The following CDK14 variants were observed in gnomAD, a reference collection of about 807,000 sequenced individuals.
The protein encoded by CDK14 is cyclin dependent kinase 14, also known as cyclin-dependent kinase 14.
In CDK14, 34 loss-of-function variants were observed where a neutral mutation model predicts 60.7. The observed-to-expected ratio is 0.56, with a 90% confidence interval of 0.43 to 0.75. The LOEUF is 0.75. Among genes scored for constraint, CDK14 ranks in the 30% least tolerant of loss-of-function variants. The probability of loss-of-function intolerance (pLI) is 0.00; values close to 1 mark genes in which losing one functional copy is unlikely to be tolerated. For synonymous variants in CDK14, 197 were observed against 203.7 expected (o/e 0.97, Z 0.28); for missense variants, 482 against 564.1 (o/e 0.85, Z 1.47).
chr7:90,925,147 A>T (rs1793378503), intron 8 of CDK14, among the ~76,000 whole-genome samples: 1 of 152,240 alleles, frequency 6.6e-6, no homozygotes, highest in Non-Finnish European at 1.5e-5. Flanking sequence ...AACTTTAAAA[A>T]TGGAACATCT....
Position 90,767,159 on chromosome 7 carries a change from A to G in CDK14, c.464+19384A>G, listed in dbSNP as rs1435272556. 2.0e-5 allele frequency among the ~76,000 whole-genome samples: 3 copies of G among 152,250 alleles called. No homozygotes were observed. In the East Asian group the frequency reaches 5.8e-4, roughly 29 times the overall value. On this transcript the variant is annotated intron_variant, in intron 4 of 14. Coordinates refer to ENST00000380050, the MANE Select transcript of CDK14 (RefSeq NM_001287135.2). ...GGCAATTATACCTTTAACAGACAATAAATAATGGCTTACAGCCAAGTATGA... is the reference window on the plus strand; with the variant it reads ...GGCAATTATACCTTTAACAGACAATGAATAATGGCTTACAGCCAAGTATGA...
intron 2 of CDK14, among the ~76,000 whole-genome samples, chr7:90,644,633 C>G (rs1800420194): frequency 6.6e-6 from 1 of 152,202 alleles, no homozygotes; most frequent in Admixed American, 6.5e-5. Context: ...ATTCAAGACT[C>G]TGTGAAATCC....
chr7:91,166,629 G>A lies in CDK14; in HGVS notation c.*29-40536G>A, dbSNP rs533830168. On this transcript the variant is annotated intron_variant, in intron 14 of 14. Coordinates refer to ENST00000380050, the MANE Select transcript of CDK14 (RefSeq NM_001287135.2). The stretch of plus-strand genomic sequence containing the variant: ...GCTTTTCATAAGATACTGATAGAGT[G>A]TAGAGGCATCCGAGTAATTTGGCAT... Among the ~76,000 whole-genome samples, 4 of 152,330 alleles carry A rather than the reference G, an allele frequency of 2.6e-5. No individual in the cohort carries two copies. The East Asian group carries it at 7.7e-4, about 29-fold the overall frequency.
chr7:90,691,921 A>G (rs1340777953), intron 2 of CDK14, among the ~76,000 whole-genome samples: 1 of 152,130 alleles, frequency 6.6e-6, no homozygotes, highest in African/African-American at 2.4e-5. Context: ...GAGGTTTGGG[A>G]GTGCTGTGAA....
chr7:90,855,290 G>A (rs1051598740), intron 5 of CDK14, among the ~76,000 whole-genome samples: 11 of 152,168 alleles, frequency 7.2e-5, no homozygotes, highest in African/African-American at 2.7e-4. Flanking sequence ...ATCCAAGTGA[G>A]GAGGGATTAG....
At chr7:90,619,921 A>T (rs1799732546) in intron 2 of CDK14, among the ~76,000 whole-genome samples, 1 of 152,142 alleles carries the variant, frequency 6.6e-6, no homozygotes, top group South Asian at 2.1e-4. Context: ...GCTTGAACCC[A>T]GGAGGCAGAG....
chr7:90,647,789 G>A (rs542144886), intron 2 of CDK14, among the ~76,000 whole-genome samples: 1 of 152,104 alleles, frequency 6.6e-6, no homozygotes, highest in Non-Finnish European at 1.5e-5. Flanking sequence ...CCAGGAGTTC[G>A]AGGCTGCAGT....
At chr7:90,778,407 T>G (rs1423047451) in intron 4 of CDK14, among the ~76,000 whole-genome samples, 1 of 152,238 alleles carries the variant, frequency 6.6e-6, no homozygotes, top group East Asian at 1.9e-4. Flanking sequence ...ACCAGTACCC[T>G]GGTGAGAATA....
chr7:91,092,846 A>G (rs1377205340), intron 12 of CDK14, among the ~76,000 whole-genome samples: 2 of 152,222 alleles, frequency 1.3e-5, no homozygotes, highest in African/African-American at 4.8e-5. Flanking sequence ...CTTAAATTAC[A>G]CATTCACATT....
At chr7:91,068,807 T>TAAAAAA (rs57179045) in intron 11 of CDK14, among the ~76,000 whole-genome samples, 6 of 68,796 alleles carry the variant, frequency 8.7e-5, no homozygotes, top group African/African-American at 2.1e-4. Context: ...TACCTTATAT[T>TAAAAAA]AAAAAAAAAA....
At chr7:90,835,630 C>T (rs1338281486) in intron 5 of CDK14, among the ~76,000 whole-genome samples, 1 of 152,158 alleles carries the variant, frequency 6.6e-6, no homozygotes, top group African/African-American at 2.4e-5. Flanking sequence ...TCTTGCCTCC[C>T]TCACCTCCTC....
At chr7:90,774,384 A>G (rs1562763233) in intron 4 of CDK14, among the ~76,000 whole-genome samples, 1 of 152,232 alleles carries the variant, frequency 6.6e-6, no homozygotes, top group Non-Finnish European at 1.5e-5. Flanking sequence ...GGTCTTGCCT[A>G]TAAGACAGTT....
chr7:90,917,626 G>T lies in CDK14; in HGVS notation c.728G>T (p.Gly243Val). 1 of 1,612,804 alleles carries T rather than the reference G, an allele frequency of 6.2e-7. No individual in the cohort carries two copies. Among genetic ancestry groups the T allele is most frequent in the Non-Finnish European group, 8.5e-7 (1 of 1,179,056 alleles). ...TTGTTTTTATTTCAGTTGCTGCGAG[G>T]TCTGTCTTACATCCACCAGCGTTAT... ...VKLFLFQLLR[G>V]LSYIHQRYIL... Residue 243 changes from glycine to valine, a missense_variant, in exon 8 of 15, where the codon GGT (glycine) becomes GTT (valine). Coordinates refer to ENST00000380050, the MANE Select transcript of CDK14 (RefSeq NM_001287135.2).
intron 11 of CDK14, among the ~76,000 whole-genome samples, chr7:91,069,685 T>C (rs1323386419): frequency 2.0e-5 from 3 of 152,238 alleles, no homozygotes; most frequent in Non-Finnish European, 4.4e-5. Flanking sequence ...AGGATGTATA[T>C]GTGAATGCTG....
At chr7:90,854,401 G>A (rs1030620739) in intron 5 of CDK14, among the ~76,000 whole-genome samples, 1 of 152,130 alleles carries the variant, frequency 6.6e-6, no homozygotes, top group African/African-American at 2.4e-5. Context: ...ACATTAGCCA[G>A]GGGTGGCGGC....
At chr7:91,028,656 A>G (rs183966312) in intron 10 of CDK14, among the ~76,000 whole-genome samples, 133 of 152,216 alleles carry the variant, frequency 8.7e-4, no homozygotes, top group African/African-American at 3.2e-3. Context: ...TTGGGTTTTA[A>G]TTTGCATTTC....
In CDK14 at chr7:90,878,282, T is replaced by G. The variant is rs143456011; in HGVS notation, c.639+15013T>G. On this transcript the variant is annotated intron_variant, in intron 6 of 14. Transcript: ENST00000380050. ...ATCTGTCAGCTCCTCCAGCATCTGC[T>G]TCAGCACAGAGACCCATTCTGATTG... Among the ~76,000 whole-genome samples the G allele has an allele frequency of 2.7e-4, 41 of 152,228 alleles. No individual in the cohort carries two copies. In the East Asian group the frequency reaches 5.6e-3, roughly 21 times the overall value.
chr7:90,780,349 C>G (rs1407655090), intron 4 of CDK14, among the ~76,000 whole-genome samples: 1 of 151,716 alleles, frequency 6.6e-6, no homozygotes, highest in African/African-American at 2.4e-5. Flanking sequence ...TTCTGTAATA[C>G]CCTCCAAAAT....
chr7:90,767,254 C>T (rs1804602686), intron 4 of CDK14, among the ~76,000 whole-genome samples: 1 of 152,172 alleles, frequency 6.6e-6, no homozygotes, highest in African/African-American at 2.4e-5. Context: ...GTCATGCAGG[C>T]CTGGATGTCT....
Sources: gnomAD v4.1 joint callset for allele counts (sites outside exome capture counted in the v4.1 genomes callset) on GRCh38, gnomAD v4.1.1 for gene constraint, MANE v1.5 for transcripts, NCBI Gene and HGNC (gene_info 2026-07-23, HGNC 2026-07-21) for gene names.